Variants in LOC122539214 observed in about 807,000 individuals in gnomAD.
At chr19:52,652,851 G>A in the LOC122539214 span, 2 of 977,128 alleles carry the variant, frequency 2.0e-6, no homozygotes, top group African/African-American at 1.6e-5. Context: ...GGCATACAAA[G>A]GATGACATAT....
At chr19:52,686,220 C>T in the LOC122539214 span, among the ~76,000 whole-genome samples, 2 of 152,116 alleles carry the variant, frequency 1.3e-5, no homozygotes, top group East Asian at 3.9e-4. Flanking sequence ...AGCATGCAGA[C>T]CTCGATCTGA....
At chr19:52,670,427 C>T in the LOC122539214 span, among the ~76,000 whole-genome samples, 11 of 152,176 alleles carry the variant, frequency 7.2e-5, no homozygotes, top group Middle Eastern at 3.2e-3. Flanking sequence ...TTCAGGTACG[C>T]ACTCACCATT....
the LOC122539214 span, among the ~76,000 whole-genome samples, chr19:52,689,706 C>G: frequency 0.047 from 7,120 of 150,358 alleles, 390 homozygotes; most frequent in African/African-American, 0.14. Context: ...TCTCTTATGG[C>G]TCTTTCTCAT....
At chr19:52,681,101 A>G in the LOC122539214 span, among the ~76,000 whole-genome samples, 1 of 151,706 alleles carries the variant, frequency 6.6e-6, no homozygotes, top group Non-Finnish European at 1.5e-5. Context: ...CCTGGCCAAC[A>G]TGGTAAAACC....
chr19:52,652,656 A>G, the LOC122539214 span: 1 of 539,306 alleles, frequency 1.9e-6, no homozygotes, highest in South Asian at 1.5e-5. Flanking sequence ...ATCTCTCTTC[A>G]TTATGGATTC....
chr19:52,688,696 A>G, the LOC122539214 span, among the ~76,000 whole-genome samples: 1 of 151,930 alleles, frequency 6.6e-6, no homozygotes, highest in South Asian at 2.1e-4. Flanking sequence ...CTTCTCCCCA[A>G]TCTTTTGATC....
chr19:52,685,806 G>A, the LOC122539214 span, among the ~76,000 whole-genome samples: 1 of 151,046 alleles, frequency 6.6e-6, no homozygotes, highest in South Asian at 2.1e-4. Flanking sequence ...GCTGAAGCAG[G>A]AGAATCACTT....
chr19:52,685,625 G>A, the LOC122539214 span, among the ~76,000 whole-genome samples: 3 of 152,026 alleles, frequency 2.0e-5, no homozygotes, highest in African/African-American at 7.2e-5. Context: ...GGTCAGGCAC[G>A]GTAGCTCTTG....
chr19:52,674,409 C>T, the LOC122539214 span, among the ~76,000 whole-genome samples: 3 of 152,162 alleles, frequency 2.0e-5, no homozygotes, highest in Non-Finnish European at 2.9e-5. Context: ...TCAATCAATA[C>T]TGACTGTCCT....
chr19:52,657,038 C>G, the LOC122539214 span, among the ~76,000 whole-genome samples: 1 of 151,756 alleles, frequency 6.6e-6, no homozygotes, highest in African/African-American at 2.4e-5. Context: ...ATTGCTTGAG[C>G]CTGGAGAGCA....
chr19:52,658,422 C>T, the LOC122539214 span, among the ~76,000 whole-genome samples: 14 of 152,178 alleles, frequency 9.2e-5, no homozygotes, highest in East Asian at 1.5e-3. Context: ...AACAATTAGC[C>T]AGGTGTGGTG....
At chr19:52,681,682 G>C in the LOC122539214 span, among the ~76,000 whole-genome samples, 3 of 152,098 alleles carry the variant, frequency 2.0e-5, no homozygotes, top group South Asian at 6.2e-4. Flanking sequence ...CTGGGATTCA[G>C]ATTTGAATAT....
chr19:52,667,131 T>C, the LOC122539214 span, among the ~76,000 whole-genome samples: 2 of 151,534 alleles, frequency 1.3e-5, no homozygotes, highest in Non-Finnish European at 2.9e-5. Flanking sequence ...CATTGTAACA[T>C]GTATTATCCT....
the LOC122539214 span, among the ~76,000 whole-genome samples, chr19:52,690,196 AAAC>A: frequency 4.7e-5 from 7 of 149,460 alleles, no homozygotes; most frequent in East Asian, 2.0e-4. Flanking sequence ...AAAAAAAAAA[AAAC>A]AACAACAACT....
chr19:52,671,421 A>C, the LOC122539214 span, among the ~76,000 whole-genome samples: 1 of 152,142 alleles, frequency 6.6e-6, no homozygotes, highest in South Asian at 2.1e-4. Context: ...AAATTAGAAA[A>C]TGTACCTTTT....
chr19:52,662,139 C>G, the LOC122539214 span, among the ~76,000 whole-genome samples: 1 of 152,176 alleles, frequency 6.6e-6, no homozygotes, highest in African/African-American at 2.4e-5. Context: ...TATTTTCTCA[C>G]GCCTTTCATG....
chr19:52,683,329 G>A, the LOC122539214 span, among the ~76,000 whole-genome samples: 22 of 151,850 alleles, frequency 1.4e-4, no homozygotes, highest in Non-Finnish European at 2.2e-4. Context: ...GAGCATCATC[G>A]CCACTGGCCT....
the LOC122539214 span, among the ~76,000 whole-genome samples, chr19:52,687,579 T>C: frequency 3.8e-5 from 1 of 26,244 alleles, no homozygotes; most frequent in African/African-American, 6.0e-4. Flanking sequence ...ATATAAATTT[T>C]ATATATATAT....
chr19:52,677,131 A>G, the LOC122539214 span, among the ~76,000 whole-genome samples: 13 of 44,868 alleles, frequency 2.9e-4, no homozygotes, highest in African/African-American at 3.7e-3. Flanking sequence ...AATTAAAAAA[A>G]AAAAGAAAAA....
Sources: gnomAD v4.1 joint callset for allele counts (sites outside exome capture counted in the v4.1 genomes callset) on GRCh38, gnomAD v4.1.1 for gene constraint, MANE v1.5 for transcripts.